Variants in CNTNAP3B observed in about 807,000 individuals in gnomAD.
The protein encoded by CNTNAP3B is contactin-associated protein-like 3B.
In CNTNAP3B, 25 loss-of-function variants were observed where a neutral mutation model predicts 108.9. The observed-to-expected ratio is 0.23, with a 90% CI of 0.17 to 0.32. The LOEUF is 0.32. Among genes scored for constraint, CNTNAP3B ranks in the 10% least tolerant of loss-of-function variants. The pLI, the probability that CNTNAP3B is intolerant of heterozygous loss-of-function variation, is 1.00. For missense variants in CNTNAP3B, 252 were observed against 1,210.4 expected, an observed-to-expected ratio of 0.21 and a Z score of 11.75; for synonymous variants, 103 against 473.4, an observed-to-expected ratio of 0.22 and a Z score of 10.16.
chr9:42,086,494 C>A (rs1233274423), intron 2 of CNTNAP3B, among the ~76,000 whole-genome samples: 2 of 137,626 alleles, frequency 1.5e-5, no homozygotes, highest in African/African-American at 5.8e-5. Flanking sequence ...GTTGCCCAGG[C>A]CAAGATTCAA....
chr9:42,059,909 C>A (rs1375104329), intron 3 of CNTNAP3B, among the ~76,000 whole-genome samples: 1 of 143,676 alleles, frequency 7.0e-6, no homozygotes, highest in Non-Finnish European at 1.5e-5. Flanking sequence ...TGCATTAGTT[C>A]TAATAATTTT....
At chr9:42,054,762 C>T (rs1249840750) in intron 3 of CNTNAP3B, among the ~76,000 whole-genome samples, 1 of 151,458 alleles carries the variant, frequency 6.6e-6, no homozygotes, top group Non-Finnish European at 1.5e-5. Context: ...GGGTTACATC[C>T]ACTAATAAAT....
chr9:41,947,544 G>A (rs1380138684), intron 13 of CNTNAP3B, among the ~76,000 whole-genome samples: 1 of 152,188 alleles, frequency 6.6e-6, no homozygotes, highest in Non-Finnish European at 1.5e-5. Context: ...GTAAAACTGT[G>A]TTGATAGGGA....
intron 2 of CNTNAP3B, among the ~76,000 whole-genome samples, chr9:42,097,875 G>A (rs1463932989): frequency 7.2e-6 from 1 of 138,030 alleles, no homozygotes; most frequent in Admixed American, 7.2e-5. Context: ...TATTTAATTA[G>A]GGAAAGCTTC....
chr9:42,066,949 CCTCT>C (rs1304994683), intron 3 of CNTNAP3B, among the ~76,000 whole-genome samples: 4 of 149,572 alleles, frequency 2.7e-5, no homozygotes, highest in Non-Finnish European at 4.5e-5. Context: ...CCAAACTCAG[CCTCT>C]CTGAGACCAA....
rs1587139092 is a variant in CNTNAP3B, at chr9:41,953,296, G to T, written c.1967C>A (p.Ser656Tyr). ...APSGHPLSAV[S>Y]FAYAAGAGQL... ...CCCCGCGCCCGCTGCGTACGCGAAG[G>T]ACACAGCCGAGAGCGGGTGCCCGCT... is the stretch of plus-strand genomic sequence containing the variant. Residue 656 changes from serine to tyrosine, a missense_variant, in exon 13 of 24, where the codon TCC becomes TAC. Physicochemically the swap from Ser to Tyr is moderately radical, Grantham distance 144. Coordinates refer to ENST00000377561, the MANE Select transcript of CNTNAP3B (RefSeq NM_001201380.3). 2.0e-6 allele frequency: 3 copies of T among 1,533,558 alleles called. No individual in the cohort carries two copies. Among genetic ancestry groups the T allele is most frequent in the East Asian group, 2.5e-5 (1 of 40,816 alleles). The allele number at this position is 1,533,558 out of a possible 1,614,324, so 95.0% of individuals were successfully genotyped here.
At chr9:41,948,807 G>A (rs1309497173) in intron 13 of CNTNAP3B, among the ~76,000 whole-genome samples, 3 of 112,074 alleles carry the variant, frequency 2.7e-5, no homozygotes, top group Non-Finnish European at 3.8e-5. Context: ...GGAATAAAAG[G>A]GAACTACCTC....
At chr9:41,922,185 G>T (rs1823687396) in intron 17 of CNTNAP3B, among the ~76,000 whole-genome samples, 1 of 132,172 alleles carries the variant, frequency 7.6e-6, no homozygotes, top group African/African-American at 3.1e-5. Flanking sequence ...CTGAGATACT[G>T]CAGGGCCCGG....
At chr9:41,935,213 C>T (rs1219554339) in intron 14 of CNTNAP3B, among the ~76,000 whole-genome samples, 1 of 152,232 alleles carries the variant, frequency 6.6e-6, no homozygotes, top group Non-Finnish European at 1.5e-5. Context: ...CTTACTGTGC[C>T]TGAGGAACTG....
intron 15 of CNTNAP3B, among the ~76,000 whole-genome samples, chr9:41,924,665 A>AGTG (rs1823762011): frequency 2.0e-5 from 3 of 149,200 alleles, no homozygotes; most frequent in Middle Eastern, 7.1e-3. Flanking sequence ...ACACACACAC[A>AGTG]CACACACACA....
intron 9 of CNTNAP3B, among the ~76,000 whole-genome samples, chr9:41,977,817 G>A (rs1425360073): frequency 2.4e-5 from 3 of 125,876 alleles, no homozygotes; most frequent in Admixed American, 1.6e-4. Context: ...ATTTTTAGTA[G>A]AGACGGGGTT....
intron 13 of CNTNAP3B, among the ~76,000 whole-genome samples, chr9:41,952,105 G>T (rs757930022): frequency 2.6e-5 from 4 of 152,258 alleles, no homozygotes; most frequent in Non-Finnish European, 5.9e-5. Flanking sequence ...CATATTCCAG[G>T]GGCTGATTGG....
intron 14 of CNTNAP3B, among the ~76,000 whole-genome samples, chr9:41,929,954 A>G (rs1406470517): frequency 2.0e-5 from 3 of 152,152 alleles, no homozygotes; most frequent in African/African-American, 7.2e-5. Context: ...AGAGAAGGGG[A>G]AAAATCAAGA....
chr9:41,961,506 A>G (rs141012088), intron 11 of CNTNAP3B, among the ~76,000 whole-genome samples: 21,343 of 144,792 alleles, frequency 0.15, 93 homozygotes, highest in African/African-American at 0.21. Context: ...ATAACTGAAT[A>G]CCTAAGCACA....
intron 18 of CNTNAP3B, among the ~76,000 whole-genome samples, chr9:41,917,921 G>A (rs1289051276): frequency 6.6e-6 from 1 of 152,296 alleles, no homozygotes; most frequent in Non-Finnish European, 1.5e-5. Flanking sequence ...GGATGGGGAG[G>A]TGCAGGGAGA....
chr9:41,961,835 G>A (rs1426527492), intron 11 of CNTNAP3B, among the ~76,000 whole-genome samples: 3 of 152,294 alleles, frequency 2.0e-5, no homozygotes, highest in Non-Finnish European at 2.9e-5. Flanking sequence ...ATTTGTGCAA[G>A]TAAATGTTTT....
Position 42,126,661 on chromosome 9 carries a change from C to T in CNTNAP3B, c.85+2349G>A, listed in dbSNP as rs1428377064. 6.7e-5 allele frequency among the ~76,000 whole-genome samples: 9 copies of T among 135,046 alleles called. 1 individual carries two copies. The highest frequency in any genetic ancestry group is 2.4e-4 in the African/African-American group (8 of 33,308). 88.6% of individuals were successfully genotyped at this position (135,046 alleles called of 152,430 possible). A position where few individuals can be genotyped will look rare whatever the true frequency, so the allele number is the denominator to read the frequency against. ...CTCGGCTCACTGCAACCTCCACCTC[C>T]CAGGTTCAAGCGATTCTCCTGCCTC... On this transcript the variant is annotated intron_variant, in intron 1 of 23. Transcript: ENST00000377561.
At chr9:41,997,968 T>G (rs1825936513) in intron 5 of CNTNAP3B, among the ~76,000 whole-genome samples, 1 of 91,554 alleles carries the variant, frequency 1.1e-5, no homozygotes, top group Non-Finnish European at 2.1e-5. Context: ...CTATTACTCA[T>G]GACATTTGGA....
chr9:42,035,684 G>A (rs1168501564), intron 3 of CNTNAP3B, among the ~76,000 whole-genome samples: 4 of 150,962 alleles, frequency 2.6e-5, no homozygotes, highest in Non-Finnish European at 4.4e-5. Flanking sequence ...TAGAGACAGG[G>A]TTTCATTCTA....
Sources: gnomAD v4.1 joint callset for allele counts (sites outside exome capture counted in the v4.1 genomes callset) on GRCh38, gnomAD v4.1.1 for gene constraint, MANE v1.5 for transcripts, NCBI Gene and HGNC (gene_info 2026-07-23, HGNC 2026-07-21) for gene names.